BTBD1: variants seen among roughly 807,000 people sequenced by gnomAD.
BTBD1 encodes BTB domain containing 1, also known as BTB/POZ domain-containing protein 1.
BTBD1 carries 34 observed loss-of-function variants against 48.0 expected under a neutral mutation model. That is an observed-to-expected ratio of 0.71 (90% confidence interval 0.54 to 0.94). The LOEUF (loss-of-function observed/expected upper bound fraction) is 0.94. BTBD1 is among the 40% of genes least tolerant of loss of function. The pLI is 0.00. For synonymous variants in BTBD1, 261 were observed against 242.1 expected, an observed-to-expected ratio of 1.08 and a Z score of -0.72; for missense variants, 543 against 625.6, an observed-to-expected ratio of 0.87 and a Z score of 1.41.
At chr15:83,023,335 AT>A (rs1321965006) in intron 5 of BTBD1, among the ~76,000 whole-genome samples, 1 of 152,188 alleles carries the variant, frequency 6.6e-6, no homozygotes, top group Non-Finnish European at 1.5e-5. Context: ...CTTGGAATAA[AT>A]TCCTAGAACT....
rs887682312 is a variant in BTBD1 at position 83,017,786 on chromosome 15, C to T, written c.*281G>A. 5.3e-6 allele frequency: 1 copy of T among 189,186 alleles called. No homozygotes were observed. Among genetic ancestry groups the T allele is most frequent in the African/African-American group, 2.3e-5 (1 of 42,842 alleles). 11.7% of individuals were successfully genotyped at this position (189,186 alleles called of 1,614,324 possible). On this transcript the variant is annotated 3_prime_UTR_variant, in exon 8 of 8. Transcript: ENST00000261721. ...CCCAAACTATTGAAAGACCCTAAGTCAGCCAATCTATGAAATTATACAAGA... is the reference window on the plus strand; with the variant it reads ...CCCAAACTATTGAAAGACCCTAAGTTAGCCAATCTATGAAATTATACAAGA...
intron 3 of BTBD1, 108 bp from the exon 4 acceptor site, chr15:83,042,033 G>T (rs2032771631): frequency 2.4e-6 from 2 of 845,300 alleles, no homozygotes; most frequent in East Asian, 2.6e-5. Flanking sequence ...ACAAAAAATA[G>T]GTTAGACACT....
In BTBD1 at chr15:83,018,157, C is replaced by T. The variant is rs2032208794; in HGVS notation, c.1359G>A (p.Lys453=). ...KVVHETPAAS[K]TVFFFFSSPG... is the part of the protein sequence containing the mutation. ...GGGAACTAAAAAAGAAAAAAACAGTCTTGCTTGCAGCAGGTGTCTCATGCA... is the reference window on the plus strand; with the variant it reads ...GGGAACTAAAAAAGAAAAAAACAGTTTTGCTTGCAGCAGGTGTCTCATGCA... Residue 453 remains lysine (K), a synonymous_variant, in exon 8 of 8, where the codon AAG becomes AAA. Transcript: ENST00000261721. 1.2e-6 allele frequency: 2 copies of T among 1,613,030 alleles called. No individual in the cohort carries two copies. Among genetic ancestry groups the T allele is most frequent in the Admixed American group, 1.7e-5 (1 of 59,854 alleles).
chr15:83,046,133 C>T (rs1837630650), intron 3 of BTBD1, among the ~76,000 whole-genome samples: 1 of 152,102 alleles, frequency 6.6e-6, no homozygotes, highest in South Asian at 2.1e-4. Flanking sequence ...TAATAGTTCA[C>T]ACCTGTAATC....
chr15:83,026,338 AG>A (rs1195654725), intron 5 of BTBD1, among the ~76,000 whole-genome samples: 1 of 152,048 alleles, frequency 6.6e-6, no homozygotes, highest in Non-Finnish European at 1.5e-5. Flanking sequence ...ACAAAGGTTT[AG>A]GGGGGCACTA....
Position 83,020,750 on chromosome 15 carries a change from A to G in BTBD1, c.1068T>C (p.Asn356=), listed in dbSNP as rs1348542655. The part of the protein sequence containing the change: ...GTSDRIRFTV[N]RRISIVGFGL... ...CAAATCCAACTATAGAGATCCTTCT[A>G]TTAACTGTGAATCTGAGAGAAAGAA... is the stretch of plus-strand genomic sequence containing the variant. The change falls in exon 6 of 8, where the codon AAT becomes AAC. Residue 356 remains asparagine (N), a synonymous_variant. Coordinates refer to ENST00000261721, the MANE Select transcript of BTBD1 (RefSeq NM_025238.4). 3.1e-6 allele frequency: 5 copies of G among 1,598,596 alleles called. No homozygotes were observed. Among genetic ancestry groups the G allele is most frequent in the East Asian group, 2.2e-5 (1 of 44,724 alleles).
intron 2 of BTBD1, among the ~76,000 whole-genome samples, chr15:83,050,430 T>TTTTGTGTGTGTG (rs765507635): frequency 6.8e-6 from 1 of 146,150 alleles, no homozygotes; most frequent in Admixed American, 6.8e-5. Context: ...TTTTATGTGC[T>TTTTGTGTGTGTG]TGTGTGTGTG....
rs2032181171 is a variant in BTBD1, at chr15:83,017,010, A to C, written c.*1057T>G. On this transcript the variant is annotated 3_prime_UTR_variant, in exon 8 of 8. Coordinates refer to ENST00000261721, the MANE Select transcript of BTBD1 (RefSeq NM_025238.4). ...TATTTTAAAATCTGCTTTATAAAAA[A>C]GTGTATAAATATCAATCTGCCAGAT... 1 of 152,668 alleles carries C rather than the reference A, an allele frequency of 6.6e-6. No homozygotes were observed. The allele number at this position is 152,668 out of a possible 1,614,324, so 9.5% of individuals were successfully genotyped here.
At chr15:83,041,303 G>T (rs1391959849) in intron 4 of BTBD1, among the ~76,000 whole-genome samples, 1 of 151,592 alleles carries the variant, frequency 6.6e-6, no homozygotes, top group Non-Finnish European at 1.5e-5. Flanking sequence ...TCGCATATAT[G>T]TTTGTCATGT....
At chr15:83,023,257 T>C (rs2032335498) in intron 5 of BTBD1, among the ~76,000 whole-genome samples, 1 of 152,366 alleles carries the variant, frequency 6.6e-6, no homozygotes, top group East Asian at 1.9e-4. Context: ...CAGTTTTTGT[T>C]ATTATATAAT....
chr15:83,035,717 TAAAG>T (rs1449802592), intron 4 of BTBD1, among the ~76,000 whole-genome samples: 1 of 150,756 alleles, frequency 6.6e-6, no homozygotes, highest in Admixed American at 6.6e-5. Context: ...AAGAAAGTAA[TAAAG>T]AAAAAGGCAG....
chr15:83,034,914 G>C (rs1159227242), intron 4 of BTBD1, among the ~76,000 whole-genome samples: 1 of 152,174 alleles, frequency 6.6e-6, no homozygotes, highest in Non-Finnish European at 1.5e-5. Context: ...TATTCAATCT[G>C]TTGAACAGAT....
chr15:83,046,816 T>C (rs2032888065), intron 3 of BTBD1, among the ~76,000 whole-genome samples: 1 of 152,182 alleles, frequency 6.6e-6, no homozygotes, highest in Non-Finnish European at 1.5e-5. Flanking sequence ...ATAAGCAGTG[T>C]ATTATTTGTT....
chr15:83,030,225 T>C lies in BTBD1; in HGVS notation c.966A>G (p.Arg322=), dbSNP rs2032489625. 1 of 1,614,070 alleles carries C rather than the reference T, an allele frequency of 6.2e-7. No homozygotes were observed. The highest frequency in any genetic ancestry group is 8.5e-7 in the Non-Finnish European group (1 of 1,180,008). ...KPRVEYIDRP[R]CCLRGKECCI... ...AGCATTCCTTTCCCCTGAGACAGCATCTTGGTCGGTCAATGTATTCAACTC... is the reference window on the plus strand; with the variant it reads ...AGCATTCCTTTCCCCTGAGACAGCACCTTGGTCGGTCAATGTATTCAACTC... The change falls in exon 5 of 8, where the codon AGA becomes AGG. Residue 322 remains arginine (R), a synonymous_variant. Transcript: ENST00000261721.
intron 3 of BTBD1, among the ~76,000 whole-genome samples, chr15:83,048,650 T>A (rs1306356285): frequency 2.0e-5 from 3 of 152,146 alleles, no homozygotes; most frequent in African/African-American, 7.2e-5. Context: ...AACGTATGGG[T>A]TCTTGGAAAC....
intron 4 of BTBD1, among the ~76,000 whole-genome samples, chr15:83,034,389 T>G (rs949748343): frequency 6.6e-6 from 1 of 152,134 alleles, no homozygotes; most frequent in Non-Finnish European, 1.5e-5. Flanking sequence ...TGAGGCAAGC[T>G]GATCATTTGA....
intron 1 of BTBD1, among the ~76,000 whole-genome samples, chr15:83,059,678 G>A (rs930437863): frequency 6.6e-6 from 1 of 152,172 alleles, no homozygotes; most frequent in African/African-American, 2.4e-5. Context: ...AAATTCCTGG[G>A]CTCAGGTGAA....
intron 2 of BTBD1, among the ~76,000 whole-genome samples, chr15:83,052,091 G>A (rs148432792): frequency 0.048 from 7,275 of 152,038 alleles, 232 homozygotes; most frequent in Middle Eastern, 0.12. Context: ...TGAGTAGCTG[G>A]GACCACAGGC....
chr15:83,043,002 G>C (rs999894895), intron 3 of BTBD1, among the ~76,000 whole-genome samples: 21 of 152,110 alleles, frequency 1.4e-4, no homozygotes, highest in African/African-American at 5.1e-4. Flanking sequence ...AATTAGCCAG[G>C]CATGGTGGCA....
Sources: gnomAD v4.1 joint callset for allele counts (sites outside exome capture counted in the v4.1 genomes callset) on GRCh38, gnomAD v4.1.1 for gene constraint, MANE v1.5 for transcripts, NCBI Gene and HGNC (gene_info 2026-07-23, HGNC 2026-07-21) for gene names.